Variants in MGAT4C observed in about 807,000 individuals in gnomAD.
The protein encoded by MGAT4C is MGAT4 family member C.
Under a neutral mutation model 40.1 loss-of-function variants are expected in MGAT4C, and 19 were observed. The ratio of observed to expected loss-of-function variants is 0.47; its 90% CI spans 0.33 to 0.70. The LOEUF (loss-of-function observed/expected upper bound fraction) is 0.70, where lower values mean the gene tolerates loss of function less well. MGAT4C is among the 30% of genes least tolerant of loss of function. MGAT4C has a pLI of 0.02. For missense variants in MGAT4C, 491 were observed against 563.2 expected (o/e 0.87, Z 1.30); for synonymous variants, 181 against 187.1 (o/e 0.97, Z 0.27).
chr12:86,579,400 A>T (rs938743969), intron 2 of MGAT4C, among the ~76,000 whole-genome samples: 2 of 151,554 alleles, frequency 1.3e-5, no homozygotes, highest in African/African-American at 4.8e-5. Context: ...TATAAATACT[A>T]TTTGCATAAA....
intron 2 of MGAT4C, among the ~76,000 whole-genome samples, chr12:86,044,525 C>T (rs139933882): frequency 6.6e-6 from 1 of 152,140 alleles, no homozygotes; most frequent in Non-Finnish European, 1.5e-5. Context: ...GGTCCACTCG[C>T]ATGTGTGCAC....
intron 3 of MGAT4C, among the ~76,000 whole-genome samples, chr12:86,387,453 C>T (rs1263179934): frequency 6.6e-6 from 1 of 151,896 alleles, no homozygotes; most frequent in African/African-American, 2.4e-5. Context: ...TTTTACAAAG[C>T]ATTCATTTTT....
chr12:86,010,661 G>A (rs189710786), intron 2 of MGAT4C, among the ~76,000 whole-genome samples: 51 of 151,902 alleles, frequency 3.4e-4, no homozygotes, highest in African/African-American at 1.2e-3. Flanking sequence ...CTGAGTGACA[G>A]AGCAAGACTC....
intron 2 of MGAT4C, among the ~76,000 whole-genome samples, chr12:86,680,888 A>AATCAGGAACAAACAAAAAGAAAACAATG (rs1949970092): frequency 6.6e-6 from 1 of 151,968 alleles, no homozygotes; most frequent in Non-Finnish European, 1.5e-5. Flanking sequence ...TGAATCCAAT[A>AATCAGGAACAAACAAAAAGAAAACAATG]ATCAGGAACA....
At chr12:86,736,264 A>G (rs1950984278) in intron 1 of MGAT4C, among the ~76,000 whole-genome samples, 1 of 151,502 alleles carries the variant, frequency 6.6e-6, no homozygotes, top group Admixed American at 6.6e-5. Context: ...TTATCCTAAC[A>G]CCTCAATTTC....
chr12:86,104,825 G>C (rs976976015), intron 1 of MGAT4C, among the ~76,000 whole-genome samples: 6 of 150,668 alleles, frequency 4.0e-5, no homozygotes, highest in African/African-American at 1.5e-4. Flanking sequence ...AGAACACTTA[G>C]GTAACATATT....
chr12:86,072,126 G>T (rs1480882555), intron 1 of MGAT4C, among the ~76,000 whole-genome samples: 1 of 151,770 alleles, frequency 6.6e-6, no homozygotes, highest in East Asian at 1.9e-4. Flanking sequence ...AGCCATTTGA[G>T]ATAGTTGCCA....
At chr12:86,764,400 C>T (rs1285019884) in intron 1 of MGAT4C, among the ~76,000 whole-genome samples, 1 of 152,158 alleles carries the variant, frequency 6.6e-6, no homozygotes, top group Non-Finnish European at 1.5e-5. Flanking sequence ...CTCAAGGAGG[C>T]CTGCCGGCCT....
At chr12:86,381,376 CT>C (rs1224684325) in intron 3 of MGAT4C, among the ~76,000 whole-genome samples, 1 of 152,162 alleles carries the variant, frequency 6.6e-6, no homozygotes, top group African/African-American at 2.4e-5. Context: ...GATGGTGTAA[CT>C]TTCAGTTTGA....
intron 2 of MGAT4C, among the ~76,000 whole-genome samples, chr12:86,478,760 C>T (rs1957884025): frequency 6.6e-6 from 1 of 151,976 alleles, no homozygotes; most frequent in South Asian, 2.1e-4. Context: ...AACCTCACAA[C>T]CATATTATGC....
chr12:86,069,216 G>A (rs547982190), intron 1 of MGAT4C, among the ~76,000 whole-genome samples: 1 of 152,034 alleles, frequency 6.6e-6, no homozygotes, highest in South Asian at 2.1e-4. Context: ...CTTGCTTATT[G>A]TTAAGTATTA....
At chr12:86,714,368 G>C (rs561253196) in intron 2 of MGAT4C, among the ~76,000 whole-genome samples, 1 of 152,052 alleles carries the variant, frequency 6.6e-6, no homozygotes, top group African/African-American at 2.4e-5. Context: ...ACAAAGCAGG[G>C]AGGCAGAGAA....
At chr12:86,115,157 A>G (rs1279139889) in intron 1 of MGAT4C, among the ~76,000 whole-genome samples, 2 of 152,028 alleles carry the variant, frequency 1.3e-5, no homozygotes, top group Non-Finnish European at 2.9e-5. Flanking sequence ...TTTAGCACAT[A>G]TCTCATTCTT....
intron 4 of MGAT4C, among the ~76,000 whole-genome samples, chr12:86,269,051 T>C (rs931646315): frequency 6.3e-5 from 8 of 126,234 alleles, no homozygotes; most frequent in African/African-American, 2.4e-4. Context: ...TATATATATA[T>C]ATATATATAT....
intron 2 of MGAT4C, among the ~76,000 whole-genome samples, chr12:86,569,520 A>T (rs1215592296): frequency 6.6e-6 from 1 of 152,136 alleles, no homozygotes; most frequent in Middle Eastern, 3.2e-3. Context: ...GTCTTTTATC[A>T]AAAAGACAAA....
intron 2 of MGAT4C, among the ~76,000 whole-genome samples, chr12:86,688,098 T>G (rs1399783431): frequency 1.3e-5 from 2 of 152,066 alleles, no homozygotes; most frequent in Non-Finnish European, 2.9e-5. Flanking sequence ...TGCTCTTGTC[T>G]TTTTTGATCT....
At chr12:86,774,233 G>T (rs892911087) in intron 1 of MGAT4C, among the ~76,000 whole-genome samples, 44 of 151,666 alleles carry the variant, frequency 2.9e-4, no homozygotes, top group Admixed American at 1.3e-4. Context: ...GATTACAGGT[G>T]TGAGCCACCA....
At chr12:86,337,583 T>C (rs1226930530) in intron 3 of MGAT4C, among the ~76,000 whole-genome samples, 1 of 125,048 alleles carries the variant, frequency 8.0e-6, no homozygotes, top group Non-Finnish European at 1.6e-5. Context: ...TGAAATCTTG[T>C]CTCAAAAAAA....
At chr12:86,350,814 A>C (rs184546934) in intron 3 of MGAT4C, among the ~76,000 whole-genome samples, 50 of 152,264 alleles carry the variant, frequency 3.3e-4, no homozygotes, top group Admixed American at 3.0e-3. Context: ...TACAATTCTC[A>C]TAAGATTGTG....
Sources: allele counts gnomAD v4.1 joint callset (sites outside exome capture counted in the v4.1 genomes callset), GRCh38; gene constraint gnomAD v4.1.1; transcripts MANE v1.5; gene names NCBI Gene and HGNC (gene_info 2026-07-23, HGNC 2026-07-21).